Variants in TBX4 observed in about 807,000 individuals in gnomAD.
TBX4 encodes T-box transcription factor 4.
Under a neutral mutation model 54.6 loss-of-function variants are expected in TBX4, and 13 were observed. The ratio of observed to expected loss-of-function variants is 0.24; its 90% CI spans 0.15 to 0.38. The LOEUF (loss-of-function observed/expected upper bound fraction) is 0.38. Ranked by LOEUF, TBX4 falls within the 10% of genes least tolerant of loss-of-function variation. TBX4 has a pLI of 1.00. For synonymous variants in TBX4, 314 were observed against 306.7 expected (o/e 1.02, Z -0.25); for missense variants, 631 against 728.5 (o/e 0.87, Z 1.54).
chr17:61,477,918 GCAA>G (rs2060632517), intron 5 of TBX4, among the ~76,000 whole-genome samples: 1 of 138,808 alleles, frequency 7.2e-6, no homozygotes. Flanking sequence ...TCCAGCCTGG[GCAA>G]CAAGAGTGAG....
At position 61,461,628 on chromosome 17, in the gene TBX4, C is replaced by T. The variant is rs1293396722; in HGVS notation, c.281+3997C>T. Among the ~76,000 whole-genome samples the T allele has an allele frequency of 6.6e-6, 1 of 152,142 alleles. No homozygotes were observed. The highest frequency in any genetic ancestry group is 1.5e-5 in the Non-Finnish European group (1 of 68,014). ...AAGTGGAACATTCCTACAGAAGAGT[C>T]CACAGGTCTTAAGGGTGCAGCTTTA... On this transcript the variant is annotated intron_variant, in intron 3 of 8. Coordinates refer to ENST00000644296, the MANE Select transcript of TBX4 (RefSeq NM_001321120.2). This position sits in a 1 kb window ranked among gnomAD's most constrained non-coding sequence, Gnocchi z 5.1.
At chr17:61,458,800 G>A (rs368416674) in intron 3 of TBX4, among the ~76,000 whole-genome samples, 44 of 152,308 alleles carry the variant, frequency 2.9e-4, no homozygotes, top group African/African-American at 8.4e-4. Context: ...AGTGTCTGGC[G>A]TCCCACTCAG....
In TBX4 at chr17:61,480,074, C is replaced by T; in HGVS notation, c.792-16C>T. 1 of 1,613,016 alleles carries T rather than the reference C, an allele frequency of 6.2e-7. No homozygotes were observed. The highest frequency in any genetic ancestry group is 8.5e-7 in the Non-Finnish European group (1 of 1,179,040). On this transcript the variant is annotated splice_polypyrimidine_tract_variant and intron_variant, in intron 7 of 8. Coordinates refer to ENST00000644296, the MANE Select transcript of TBX4 (RefSeq NM_001321120.2). The surrounding 1 kb of genome is among the most constrained non-coding windows in gnomAD (Gnocchi z 6.2). ...CTCTCTTCCTGTCTCTCCTCCTGTCCTCCCCACCCCTTCAGCAAAGAATAC... is the reference window on the plus strand; with the variant it reads ...CTCTCTTCCTGTCTCTCCTCCTGTCTTCCCCACCCCTTCAGCAAAGAATAC...
At position 61,480,181 on chromosome 17, in the gene TBX4, G is replaced by C. The variant is rs143895322; in HGVS notation, c.883G>C (p.Gly295Arg). The C allele has an allele frequency of 1.2e-6, 2 of 1,613,896 alleles. No homozygotes were observed. The highest frequency in any genetic ancestry group is 2.2e-5 in the East Asian group (1 of 44,876). The change falls in exon 8 of 9, where the codon GGC (glycine) becomes CGC (arginine). Residue 295 changes from glycine (G) to arginine (R), a missense_variant. Physicochemically the swap from Gly to Arg is moderately radical, Grantham distance 125. Around this residue, in one of 3 missense-constraint regions of TBX4, gnomAD observed 354 missense variants for 368.9 expected, o/e 0.96. Transcript: ENST00000644296. The surrounding 1 kb of genome is among the most constrained non-coding windows in gnomAD (Gnocchi z 6.2). ...SATPDVGPLL[G>R]THQALQHYQH... is the part of the protein sequence containing the mutation. ...CACACCGGACGTGGGCCCCCTGCTC[G>C]GCACCCACCAGGCACTCCAGCACTA... is the stretch of plus-strand genomic sequence containing the variant.
rs3826414 is a variant in TBX4, at chr17:61,457,016, C to T, written c.186+340C>T. ...AACCCGTAGAGGGCCTGGGACCCAA[C>T]GGCGAGGGGGCAGGAGGAGGCCACC... On this transcript the variant is annotated intron_variant, in intron 2 of 8. Coordinates refer to ENST00000644296, the MANE Select transcript of TBX4 (RefSeq NM_001321120.2). The surrounding 1 kb of genome is among the most constrained non-coding windows in gnomAD (Gnocchi z 8.2). Among the ~76,000 whole-genome samples, 9 of 152,074 alleles carry T rather than the reference C, an allele frequency of 5.9e-5. No homozygotes were observed. Among genetic ancestry groups the T allele is most frequent in the Non-Finnish European group, 1.3e-4 (9 of 68,010 alleles).
At chr17:61,454,807 C>A (rs1461605824) in intron 1 of TBX4, among the ~76,000 whole-genome samples, 2 of 152,230 alleles carry the variant, frequency 1.3e-5, no homozygotes, top group Non-Finnish European at 2.9e-5. Flanking sequence ...AAGAGCCCAG[C>A]AGAGGACCCC....
rs956459981 is a variant in TBX4 at position 61,462,062 on chromosome 17, AG to A, written c.282-3756del. ...GCAGCTAGAACTTGCGTGTTCCCTC[AG>A]CAGTGAGTTCGCAGTTACGGGTTTG... On this transcript the variant is annotated intron_variant, in intron 3 of 8. Coordinates refer to ENST00000644296, the MANE Select transcript of TBX4 (RefSeq NM_001321120.2). This position sits in a 1 kb window ranked among gnomAD's most constrained non-coding sequence, Gnocchi z 4.5. 6.6e-6 allele frequency among the ~76,000 whole-genome samples: 1 copy of A among 152,190 alleles called. No individual in the cohort carries two copies. Among genetic ancestry groups the A allele is most frequent in the Non-Finnish European group, 1.5e-5 (1 of 68,024 alleles).
intron 1 of TBX4, among the ~76,000 whole-genome samples, chr17:61,455,343 C>T (rs2060439340): frequency 6.6e-6 from 1 of 152,194 alleles, no homozygotes; most frequent in Non-Finnish European, 1.5e-5. Context: ...GGGCATTCCG[C>T]CTCAAGAAGG....
At chr17:61,453,014 A>G in intron 1 of TBX4, 2 of 984,410 alleles carry the variant, frequency 2.0e-6, no homozygotes, top group Non-Finnish European at 2.4e-6. Flanking sequence ...CTAGACTCAG[A>G]GCCTTTGATG....
rs2060656966 is a variant in TBX4, at chr17:61,480,549, A to T, written c.1021+230A>T. Among the ~76,000 whole-genome samples the T allele has an allele frequency of 6.6e-6, 1 of 152,178 alleles. No homozygotes were observed. Among genetic ancestry groups the T allele is most frequent in the Non-Finnish European group, 1.5e-5 (1 of 68,024 alleles). The stretch of plus-strand genomic sequence containing the variant: ...CATGCTGCCTTTGGAACCCTCACAG[A>T]CAGCTTGTAGCCCCGGTGTCCCCAG... On this transcript the variant is annotated intron_variant, in intron 8 of 8. Coordinates refer to ENST00000644296, the MANE Select transcript of TBX4 (RefSeq NM_001321120.2). The surrounding 1 kb of genome is among the most constrained non-coding windows in gnomAD (Gnocchi z 6.2).
chr17:61,483,690 T>G lies in TBX4; in HGVS notation c.*174T>G. 3.6e-6 allele frequency: 3 copies of G among 844,534 alleles called. No homozygotes were observed. The highest frequency in any genetic ancestry group is 5.6e-6 in the Non-Finnish European group (3 of 533,280). The allele number at this position is 844,534 out of a possible 1,614,324, so 52.3% of individuals were successfully genotyped here. A position where few individuals can be genotyped will look rare whatever the true frequency, so the allele number is the denominator to read the frequency against. Reference sequence around the variant, plus strand: ...TGTATGTATTTGGAGAGCATCCATCTTCTGACATACAACTGAGGTCATGAC... The same window carrying G: ...TGTATGTATTTGGAGAGCATCCATCGTCTGACATACAACTGAGGTCATGAC... On this transcript the variant is annotated 3_prime_UTR_variant, in exon 9 of 9. Transcript: ENST00000644296. This position sits in a 1 kb window ranked among gnomAD's most constrained non-coding sequence, Gnocchi z 6.6.
intron 1 of TBX4, 152 bp from the exon 2 acceptor site, chr17:61,456,336 T>C: frequency 1.0e-6 from 1 of 1,001,082 alleles, no homozygotes; most frequent in Non-Finnish European, 1.5e-6. Flanking sequence ...TCCTTGCGGG[T>C]TCCCTCCTCC....
chr17:61,457,737 C>T lies in TBX4; in HGVS notation c.281+106C>T. 9.4e-7 allele frequency: 1 copy of T among 1,063,458 alleles called. No homozygotes were observed. The highest frequency in any genetic ancestry group is 1.4e-6 in the Non-Finnish European group (1 of 712,442). 65.9% of individuals were successfully genotyped at this position (1,063,458 alleles called of 1,614,324 possible). A position where few individuals can be genotyped will look rare whatever the true frequency, so the allele number is the denominator to read the frequency against. On this transcript the variant is annotated intron_variant, in intron 3 of 8. Coordinates refer to ENST00000644296, the MANE Select transcript of TBX4 (RefSeq NM_001321120.2). The surrounding 1 kb of genome is among the most constrained non-coding windows in gnomAD (Gnocchi z 8.2). The stretch of plus-strand genomic sequence containing the variant: ...CCCCGGCCTGGTGGCCTGTGGGAGG[C>T]CTCTCTGCCTCCTCGGGCGTCAGTG...
intron 4 of TBX4, 70 bp downstream of exon 4, chr17:61,466,008 T>C: frequency 1.2e-6 from 2 of 1,604,740 alleles, no homozygotes; most frequent in Non-Finnish European, 1.7e-6. Context: ...ACCTAGTGTT[T>C]TGTCCGGGGG....
In TBX4 at chr17:61,483,161, G is replaced by T. The variant is rs1417159867; in HGVS notation, c.1286G>T (p.Ser429Ile). The T allele has an allele frequency of 1.2e-6, 2 of 1,614,000 alleles. No individual in the cohort carries two copies. The highest frequency in any genetic ancestry group is 3.3e-5 in the Admixed American group (2 of 60,010). The change falls in exon 9 of 9, where the codon AGC becomes ATC. Residue 429 changes from serine (S) to isoleucine (I), a missense_variant. By Grantham distance (142) the Ser-to-Ile change is moderately radical. Around this residue, in one of 3 missense-constraint regions of TBX4, gnomAD observed 354 missense variants for 368.9 expected, o/e 0.96. Transcript: ENST00000644296. This position sits in a 1 kb window ranked among gnomAD's most constrained non-coding sequence, Gnocchi z 6.6. ...TGGACTTCAGTGTCGCCGTACACCA[G>T]CTATAGCGTGCAGACGATGGAGACT... ...NMWTSVSPYT[S>I]YSVQTMETVP...
intron 1 of TBX4, among the ~76,000 whole-genome samples, chr17:61,454,787 C>T (rs1314054547): frequency 2.6e-5 from 4 of 152,308 alleles, no homozygotes; most frequent in African/African-American, 4.8e-5. Context: ...TGCACGGCTC[C>T]GGGTGTGACA....
In TBX4 at chr17:61,483,380, G is replaced by A. The variant is rs1454523840; in HGVS notation, c.1505G>A (p.Cys502Tyr). The A allele has an allele frequency of 1.9e-6, 3 of 1,610,738 alleles. No individual in the cohort carries two copies. In the Admixed American group the frequency reaches 5.0e-5, roughly 27 times the overall value. ...FPRERGLPQG[C>Y]ERKPPSPHLN... ...AGAGAGCGCGGCCTCCCCCAAGGGT[G>A]TGAGAGGAAGCCACCCTCGCCACAT... The change falls in exon 9 of 9, where the codon TGT (cysteine) becomes TAT (tyrosine). Residue 502 changes from cysteine to tyrosine, a missense_variant. Physicochemically the swap from Cys to Tyr is radical, Grantham distance 194 (BLOSUM62 -2). Transcript: ENST00000644296. This position sits in a 1 kb window ranked among gnomAD's most constrained non-coding sequence, Gnocchi z 6.6.
rs953457004 is a variant in TBX4, at chr17:61,465,713, C to A, written c.282-106C>A. The A allele has an allele frequency of 2.7e-6, 4 of 1,482,506 alleles. No homozygotes were observed. The highest frequency in any genetic ancestry group is 3.7e-6 in the Non-Finnish European group (4 of 1,072,574). The allele number at this position is 1,482,506 out of a possible 1,614,324, so 91.8% of individuals were successfully genotyped here. On this transcript the variant is annotated intron_variant, in intron 3 of 8. Coordinates refer to ENST00000644296, the MANE Select transcript of TBX4 (RefSeq NM_001321120.2). This position sits in a 1 kb window ranked among gnomAD's most constrained non-coding sequence, Gnocchi z 4.9. The stretch of plus-strand genomic sequence containing the variant: ...CTGTGACCAATGCCAGGATCGCTGG[C>A]CAAAAGGGCAGCATCTGTTAGCGGC...
At chr17:61,473,263 A>G (rs2060593640) in intron 5 of TBX4, among the ~76,000 whole-genome samples, 1 of 152,150 alleles carries the variant, frequency 6.6e-6, no homozygotes, top group South Asian at 2.1e-4. Context: ...TTCTTTCACT[A>G]CATTTTCTCA....
Sources: allele counts gnomAD v4.1 joint callset (sites outside exome capture counted in the v4.1 genomes callset), GRCh38; gene constraint gnomAD v4.1.1; regional missense constraint gnomAD v4.1.1; non-coding constraint Gnocchi (gnomAD v3.1); transcripts MANE v1.5; gene names NCBI Gene and HGNC (gene_info 2026-07-23, HGNC 2026-07-21).